The following RP1 variants were observed in gnomAD, a reference collection of about 807,000 sequenced individuals.
RP1 encodes RP1 axonemal microtubule associated, also known as oxygen-regulated protein 1.
RP1 carries 16 observed loss-of-function variants against 14.8 expected under a neutral mutation model. That is an observed-to-expected ratio of 1.08 (90% confidence interval 0.73 to 1.65). The LOEUF is 1.65. Ranked by LOEUF, RP1 falls within the 40% of genes most tolerant of loss-of-function variation. The pLI, the probability that RP1 is intolerant of heterozygous loss-of-function variation, is 0.00. For missense variants in RP1, 2,631 were observed against 2,535.0 expected (o/e 1.04, Z -0.81); for synonymous variants, 876 against 883.6 (o/e 0.99, Z 0.15).
chr8:54,837,454 A>T, exon 25 of RP1: 2 of 1,219,906 alleles, frequency 1.6e-6, no homozygotes, highest in Non-Finnish European at 2.0e-6. Context: ...TTGCAGATTA[A>T]TCTCAAAGAT....
chr8:54,605,754 TG>T (rs1265104990), intron 1 of RP1, among the ~76,000 whole-genome samples: 3 of 152,236 alleles, frequency 2.0e-5, no homozygotes, highest in African/African-American at 7.2e-5. Flanking sequence ...TTAGGATAGT[TG>T]GCTCTTCTTG....
At chr8:54,864,519 T>C (rs1228586741) in intron 27 of RP1, among the ~76,000 whole-genome samples, 1 of 152,234 alleles carries the variant, frequency 6.6e-6, no homozygotes, top group Non-Finnish European at 1.5e-5. Flanking sequence ...TAAAGATTTT[T>C]TGATGTTTTG....
At chr8:54,711,508 C>T (rs996872646) in intron 15 of RP1, among the ~76,000 whole-genome samples, 2 of 152,208 alleles carry the variant, frequency 1.3e-5, no homozygotes, top group Non-Finnish European at 2.9e-5. Flanking sequence ...ATAACCAGAT[C>T]AGCAAGACAA....
In RP1 at chr8:54,761,070, C is replaced by T. The variant is rs193009658; in HGVS notation, c.3248+1994C>T. 2.9e-4 allele frequency among the ~76,000 whole-genome samples: 44 copies of T among 152,156 alleles called. No individual in the cohort carries two copies. The East Asian group carries it at 8.1e-3, about 28-fold the overall frequency. On this transcript the variant is annotated intron_variant, in intron 22 of 22. Transcript: ENST00000636932. Reference sequence around the variant, plus strand: ...TCAGAAGAGGTAGAGTGTGCTTCATCCAGGACTTTCATCTTATGTTCTGAT... The same window carrying T: ...TCAGAAGAGGTAGAGTGTGCTTCATTCAGGACTTTCATCTTATGTTCTGAT...
intron 24 of RP1, among the ~76,000 whole-genome samples, chr8:54,832,031 C>T (rs923769928): frequency 4.0e-5 from 6 of 151,804 alleles, no homozygotes; most frequent in Non-Finnish European, 8.9e-5. Context: ...ATTCTTACTA[C>T]TATTCTCCTA....
At chr8:54,784,150 T>C (rs1810261942) in intron 24 of RP1, among the ~76,000 whole-genome samples, 1 of 152,138 alleles carries the variant, frequency 6.6e-6, no homozygotes, top group Non-Finnish European at 1.5e-5. Flanking sequence ...GGCGAAACGG[T>C]CAAATGGTCA....
At chr8:54,757,619 G>A (rs987881783) in intron 21 of RP1, among the ~76,000 whole-genome samples, 2 of 152,216 alleles carry the variant, frequency 1.3e-5, no homozygotes, top group African/African-American at 4.8e-5. Context: ...TCTCAGATTT[G>A]TCCCACCAGG....
upstream of RP1, among the ~76,000 whole-genome samples, chr8:54,612,161 C>A (rs575381950): frequency 6.6e-6 from 1 of 152,314 alleles, no homozygotes; most frequent in Admixed American, 6.5e-5. Context: ...GGTATTATAT[C>A]TTTAAATCCC....
chr8:54,717,066 T>C (rs1808421298), intron 15 of RP1, among the ~76,000 whole-genome samples: 1 of 152,198 alleles, frequency 6.6e-6, no homozygotes, highest in South Asian at 2.1e-4. Context: ...CAGTTTTCTC[T>C]ATGTAATATA....
Position 54,699,066 on chromosome 8 carries a change from C to A in RP1, c.1718-401C>A, listed in dbSNP as rs116436935. Among the ~76,000 whole-genome samples, 1,032 of 151,618 alleles carry A rather than the reference C, an allele frequency of 6.8e-3. 5 individuals are homozygous for A. The highest frequency in any genetic ancestry group is 0.024 in the African/African-American group (973 of 41,402). On this transcript the variant is annotated intron_variant, in intron 12 of 22. Coordinates refer to the RP1 transcript ENST00000636932. ...ATAAAAGAAAGTTTAACTTTGTTAT[C>A]ATGAAATCATTTTGTAAATATTATA...
intron 24 of RP1, among the ~76,000 whole-genome samples, chr8:54,801,437 T>A (rs1328653234): frequency 6.6e-6 from 1 of 152,064 alleles, no homozygotes; most frequent in Non-Finnish European, 1.5e-5. Flanking sequence ...AATCACAGAC[T>A]TTTTTTTCAT....
intron 13 of RP1, among the ~76,000 whole-genome samples, chr8:54,701,049 C>A (rs943862289): frequency 2.0e-5 from 3 of 152,108 alleles, no homozygotes; most frequent in African/African-American, 7.2e-5. Flanking sequence ...CTGTCCTGAA[C>A]AATAGTCATG....
At chr8:54,827,972 T>G (rs1811424569) in intron 24 of RP1, among the ~76,000 whole-genome samples, 1 of 152,046 alleles carries the variant, frequency 6.6e-6, no homozygotes, top group South Asian at 2.1e-4. Flanking sequence ...GATGGACACA[T>G]TAGCCTAGGC....
chr8:54,580,661 C>T (rs1310398314), intron 1 of RP1, among the ~76,000 whole-genome samples: 1 of 150,926 alleles, frequency 6.6e-6, no homozygotes, highest in Non-Finnish European at 1.5e-5. Flanking sequence ...CTATGTCGCC[C>T]AGGCTGGAGT....
intron 22 of RP1, among the ~76,000 whole-genome samples, chr8:54,767,902 C>T (rs1056633981): frequency 2.0e-5 from 3 of 152,190 alleles, no homozygotes; most frequent in African/African-American, 7.2e-5. Context: ...TGGGATTTCT[C>T]ATAGCTTTGG....
intron 6 of RP1, among the ~76,000 whole-genome samples, chr8:54,659,438 T>G (rs753454703): frequency 3.3e-5 from 5 of 152,198 alleles, no homozygotes; most frequent in African/African-American, 4.8e-5. Context: ...ATTTATTTAT[T>G]TTTTTGCATG....
rs199879316 is a variant in RP1, at chr8:54,625,998, G to C, written c.2116G>C (p.Gly706Arg). 149 of 1,613,866 alleles carry C rather than the reference G, an allele frequency of 9.2e-5. No homozygotes were observed. In the East Asian group the frequency reaches 3.1e-3, roughly 33 times the overall value. The change falls in exon 4 of 4, where the codon GGT (glycine) becomes CGT (arginine). Residue 706 changes from glycine (G) to arginine (R), a missense_variant. Gly to Arg is a moderately radical substitution (Grantham distance 125). Coordinates refer to ENST00000220676, the MANE Select transcript of RP1 (RefSeq NM_006269.2). ...LNKNERINTK[G>R]RITKEMIVQD... ...TAAGAATGAGAGAATAAACACAAAAGGTAGAATTACAAAGGAAATGATAGT... is the reference window on the plus strand; with the variant it reads ...TAAGAATGAGAGAATAAACACAAAACGTAGAATTACAAAGGAAATGATAGT...
downstream of RP1, chr8:54,630,946 G>A (rs1307863383): frequency 2.6e-5 from 14 of 548,860 alleles, no homozygotes; most frequent in Non-Finnish European, 3.0e-5. Context: ...GTATCAATTG[G>A]TTTGAATAAT....
chr8:54,850,871 G>A (rs1004969064), intron 25 of RP1, among the ~76,000 whole-genome samples: 1 of 152,126 alleles, frequency 6.6e-6, no homozygotes, highest in African/African-American at 2.4e-5. Context: ...CAGCAAAAAT[G>A]TCTGTTTCTC....
Sources: gnomAD v4.1 joint callset for allele counts (sites outside exome capture counted in the v4.1 genomes callset) on GRCh38, gnomAD v4.1.1 for gene constraint, MANE v1.5 for transcripts, NCBI Gene and HGNC (gene_info 2026-07-23, HGNC 2026-07-21) for gene names.